Variants in APOL3 observed in about 807,000 individuals in gnomAD.
APOL3 encodes the protein TNF-inducible protein CG12-1.
In APOL3, 14 loss-of-function variants were observed where a neutral mutation model predicts 11.6. The ratio of observed to expected loss-of-function variants is 1.21; its 90% CI spans 0.80 to 1.89. APOL3 has a LOEUF of 1.89. APOL3 is among the 40% of genes most tolerant of loss of function. The pLI is 0.00. For synonymous variants in APOL3, 192 were observed against 190.6 expected, an observed-to-expected ratio of 1.01 and a Z score of -0.06; for missense variants, 483 against 492.1, an observed-to-expected ratio of 0.98 and a Z score of 0.17.
chr22:36,160,290 C>G (rs1161314116), intron 1 of APOL3, among the ~76,000 whole-genome samples: 1 of 152,200 alleles, frequency 6.6e-6, no homozygotes, highest in Non-Finnish European at 1.5e-5. Context: ...AGGCCAGGCT[C>G]TGGATCACCT....
chr22:36,141,037 C>A (rs2059964646), exon 3 of APOL3: 4 of 1,037,474 alleles, frequency 3.9e-6, no homozygotes, highest in Non-Finnish European at 4.2e-6. Context: ...TTGCCATCTG[C>A]ATTAACCCCT....
chr22:36,161,710 G>A (rs907396339), upstream of APOL3, among the ~76,000 whole-genome samples: 1 of 152,216 alleles, frequency 6.6e-6, no homozygotes, highest in Non-Finnish European at 1.5e-5. Flanking sequence ...ACTGAACAAA[G>A]TGGGGGGCGG....
At chr22:36,149,424 T>C in intron 1 of APOL3, 2 of 1,288,998 alleles carry the variant, frequency 1.6e-6, no homozygotes, top group Non-Finnish European at 2.1e-6. Context: ...CATCTGATAA[T>C]CACAGAAACT....
upstream of APOL3, among the ~76,000 whole-genome samples, chr22:36,164,302 C>T (rs545900251): frequency 1.3e-5 from 2 of 152,170 alleles, no homozygotes; most frequent in African/African-American, 2.4e-5. Context: ...TTCCAGCCCC[C>T]ACTTCTGTTA....
At chr22:36,145,251 C>G (rs1257915321) in intron 2 of APOL3, among the ~76,000 whole-genome samples, 1 of 152,206 alleles carries the variant, frequency 6.6e-6, no homozygotes, top group Admixed American at 6.5e-5. Flanking sequence ...GATGGCAGAA[C>G]TGACCCTGCC....
intron 1 of APOL3, 78 bp from the exon 3 acceptor site, chr22:36,145,677 G>A: frequency 3.2e-6 from 5 of 1,559,454 alleles, no homozygotes; most frequent in Non-Finnish European, 4.3e-6. Context: ...GGTGGTTCGA[G>A]GTTAATCCTC....
intron 1 of APOL3, 76 bp from the exon 2 acceptor site, chr22:36,149,218 C>A: frequency 7.6e-6 from 10 of 1,310,800 alleles, no homozygotes; most frequent in Non-Finnish European, 1.0e-5. Context: ...GGGGCTGGAT[C>A]TCTGCAATCC....
chr22:36,160,865 C>G, exon 1 of APOL3: 2 of 1,613,344 alleles, frequency 1.2e-6, no homozygotes, highest in Non-Finnish European at 1.7e-6. Flanking sequence ...AGGATGCTTC[C>G]CAGCCCCACC....
chr22:36,159,270 G>GTC (rs975559729), intron 1 of APOL3: 1 of 152,114 alleles, frequency 6.6e-6, no homozygotes, highest in African/African-American at 2.4e-5. Flanking sequence ...CCCAGATGGG[G>GTC]TCAGCAGCCT....
exon 3 of APOL3, chr22:36,141,420 G>C (rs751293735): frequency 1.2e-6 from 2 of 1,614,110 alleles, no homozygotes; most frequent in African/African-American, 2.7e-5. Flanking sequence ...CACTGCCCGG[G>C]TGGTGCCTGC....
chr22:36,155,512 C>T (rs749792650), intron 1 of APOL3, among the ~76,000 whole-genome samples: 76 of 152,226 alleles, frequency 5.0e-4, no homozygotes, highest in Non-Finnish European at 1.1e-3. Context: ...CCAATAGAGG[C>T]ACTAGGGGAG....
upstream of APOL3, among the ~76,000 whole-genome samples, chr22:36,164,007 C>T (rs1433858046): frequency 6.6e-6 from 1 of 152,206 alleles, no homozygotes; most frequent in African/African-American, 2.4e-5. Context: ...TTGCCTCCTC[C>T]TGAATGGGTG....
Position 36,141,955 on chromosome 22 carries a change from AC to A in APOL3, c.453del (p.Trp151CysfsTer3), listed in dbSNP as rs1169035413. Reference sequence around the variant, plus strand: ...TTGACTTGGGGAAACTCTTTCAAAAACCATTCCCTAAACTGCTCATCTTTCT... The same window carrying A: ...TTGACTTGGGGAAACTCTTTCAAAAACATTCCCTAAACTGCTCATCTTTCT... On this transcript the variant is annotated frameshift_variant, in exon 3 of 3. Coordinates refer to ENST00000349314, the Ensembl canonical transcript of APOL3. LOFTEE classifies it low-confidence loss of function (END_TRUNC). The A allele has an allele frequency of 8.7e-6, 14 of 1,613,956 alleles. No individual in the cohort carries two copies. The highest frequency in any genetic ancestry group is 1.2e-5 in the Non-Finnish European group (14 of 1,180,006).
rs750986128 is a variant in APOL3 at position 36,160,740 on chromosome 22, C to T, written c.152G>A (p.Arg51Gln). The T allele has an allele frequency of 2.2e-5, 35 of 1,614,096 alleles. No individual in the cohort carries two copies. In the East Asian group the frequency reaches 2.5e-4, roughly 11 times the overall value. ...GAGCTGTGTGGATCCCACCTCCAGC[C>T]GTGCATCTGCATAATAACCAGACAC... is the stretch of plus-strand genomic sequence containing the variant. Residue 51 changes from arginine (R) to glutamine (Q), a missense_variant, in exon 1 of 3, where the codon CGG becomes CAG. By Grantham distance (43) the Arg-to-Gln change is conservative. Coordinates refer to ENST00000349314, the Ensembl canonical transcript of APOL3.
upstream of APOL3, chr22:36,164,774 A>T (rs1437753117): frequency 6.6e-6 from 1 of 152,170 alleles, no homozygotes; most frequent in African/African-American, 2.4e-5. Flanking sequence ...ATTGCAAAAA[A>T]CTGCAGCTCC....
At chr22:36,155,203 G>A (rs1453062822) in intron 1 of APOL3, among the ~76,000 whole-genome samples, 2 of 152,174 alleles carry the variant, frequency 1.3e-5, no homozygotes. Context: ...TCAAAGGTAG[G>A]GGTTGGCTCC....
At chr22:36,154,777 A>C (rs993060075) in intron 1 of APOL3, 6 of 323,402 alleles carry the variant, frequency 1.9e-5, no homozygotes, top group Admixed American at 1.6e-4. Flanking sequence ...AATACCAAAC[A>C]CTCCCTCTCC....
At chr22:36,150,454 C>T (rs2060390098) in intron 1 of APOL3, among the ~76,000 whole-genome samples, 1 of 152,136 alleles carries the variant, frequency 6.6e-6, no homozygotes, top group African/African-American at 2.4e-5. Flanking sequence ...GATAAGAAAA[C>T]TGAAACAGAT....
upstream of APOL3, among the ~76,000 whole-genome samples, chr22:36,161,152 C>T (rs1048844387): frequency 4.6e-5 from 7 of 152,124 alleles, no homozygotes; most frequent in African/African-American, 1.2e-4. Flanking sequence ...GCCGGGTGGA[C>T]GCTTATTGCA....
Sources: allele counts gnomAD v4.1 joint callset (sites outside exome capture counted in the v4.1 genomes callset), GRCh38; gene constraint gnomAD v4.1.1; transcripts MANE v1.5; gene names NCBI Gene and HGNC (gene_info 2026-07-23, HGNC 2026-07-21).